Variants in TMEM145 observed in about 807,000 individuals in gnomAD.
TMEM145 encodes the protein transmembrane protein 145.
Under a neutral mutation model 68.5 loss-of-function variants are expected in TMEM145, and 46 were observed. The ratio of observed to expected loss-of-function variants is 0.67; its 90% CI spans 0.53 to 0.86. TMEM145 has a LOEUF of 0.86. Among genes scored for constraint, TMEM145 ranks in the 40% least tolerant of loss-of-function variants. TMEM145 has a pLI of 0.00. For missense variants in TMEM145, 570 were observed against 645.8 expected (o/e 0.88, Z 1.27); for synonymous variants, 255 against 280.2 (o/e 0.91, Z 0.90).
chr19:42,317,141 C>T (rs899161870), intron 11 of TMEM145, among the ~76,000 whole-genome samples, 178 bp downstream of exon 11: 2 of 152,200 alleles, frequency 1.3e-5, no homozygotes, highest in African/African-American at 4.8e-5. Flanking sequence ...TTCACCATCC[C>T]GCAGCAGCTT....
At chr19:42,315,570 C>A in intron 8 of TMEM145, 130 bp downstream of exon 8, 1 of 965,836 alleles carries the variant, frequency 1.0e-6, no homozygotes, top group Non-Finnish European at 1.6e-6. Flanking sequence ...GGGGCCTGGA[C>A]TCCTGGGTCC....
chr19:42,313,430 CCTGCTGCTGTCA>C lies in TMEM145; in HGVS notation c.59_70del (p.Leu20_Leu23del), dbSNP rs904145703. The C allele has an allele frequency of 2.2e-6, 3 of 1,379,526 alleles. No individual in the cohort carries two copies. The highest frequency in any genetic ancestry group is 2.8e-6 in the Non-Finnish European group (3 of 1,063,320). 85.5% of individuals were successfully genotyped at this position (1,379,526 alleles called of 1,614,324 possible). A position where few individuals can be genotyped will look rare whatever the true frequency, so the allele number is the denominator to read the frequency against. ...GCCGCCTGCTGCCGCCGCTGCTGCT[CCTGCTGCTGTCA>C]CTGCCCCCCCGCGCCCGGGCCAAGT... On this transcript the variant is annotated inframe_deletion, in exon 1 of 15. Transcript: ENST00000301204. This position sits in a 1 kb window ranked among gnomAD's most constrained non-coding sequence, Gnocchi z 5.1.
At chr19:42,322,894 T>C (rs1010620104) in intron 13 of TMEM145, among the ~76,000 whole-genome samples, 4 of 151,960 alleles carry the variant, frequency 2.6e-5, no homozygotes, top group Non-Finnish European at 4.4e-5. Flanking sequence ...AGAGATGGAG[T>C]TTCACCATGT....
rs759933168 is a variant in TMEM145, at chr19:42,314,389, C to G, written c.195+43C>G. ...CTCGCCATGCTGAGGCTGGGTACTT[C>G]CCTTGGCCTCCAAAGGCACAGGCTG... is the stretch of plus-strand genomic sequence containing the variant. On this transcript the variant is annotated intron_variant, in intron 2 of 14. Transcript: ENST00000301204. The G allele has an allele frequency of 3.7e-6, 6 of 1,613,862 alleles. No homozygotes were observed. In the African/African-American group the frequency reaches 8.0e-5, roughly 22 times the overall value.
rs760409461 is a variant in TMEM145, at chr19:42,316,467, C to T, written c.647-14C>T. ...TGCTTTCTATCCTTTCTTATCTGCC[C>T]ATCCTCCCCTCAGTCCTGAGCCTCC... On this transcript the variant is annotated splice_polypyrimidine_tract_variant and intron_variant, in intron 8 of 14. Transcript: ENST00000301204. The T allele has an allele frequency of 5.6e-6, 9 of 1,613,462 alleles. No homozygotes were observed. In the Admixed American group the frequency reaches 1.3e-4, roughly 24 times the overall value.
chr19:42,314,839 C>A lies in TMEM145; in HGVS notation c.408C>A (p.Arg136=). ...GCTACCTGAGCTGCTCCAGTGGCCGCAGCTTCCGCTCAGTGCGTGAACGGT... is the reference window on the plus strand; with the variant it reads ...GCTACCTGAGCTGCTCCAGTGGCCGAAGCTTCCGCTCAGTGCGTGAACGGT... ...GTRYLSCSSG[R]SFRSGDGLQL... is the part of the protein sequence containing the mutation. Residue 136 remains arginine (R), a synonymous_variant, in exon 5 of 15, where the codon CGC becomes CGA. Transcript: ENST00000301204. The A allele has an allele frequency of 6.2e-7, 1 of 1,614,206 alleles. No homozygotes were observed. The highest frequency in any genetic ancestry group is 1.1e-5 in the South Asian group (1 of 91,086).
In TMEM145 at chr19:42,315,306, G is replaced by A. The variant is rs767229376; in HGVS notation, c.577+47G>A. The A allele has an allele frequency of 5.0e-6, 8 of 1,613,878 alleles. No homozygotes were observed. In the African/African-American group the frequency reaches 8.0e-5, roughly 16 times the overall value. On this transcript the variant is annotated intron_variant, in intron 7 of 14. Transcript: ENST00000301204. ...TGGGGGAAGAGATAGGAGGGAGCAG[G>A]GTTGGGGGAGGTGAGCTGCTCTCCC...
At chr19:42,316,381 G>T (rs909890212) in intron 8 of TMEM145, 100 bp from the exon 9 acceptor site, 1 of 1,137,816 alleles carries the variant, frequency 8.8e-7, no homozygotes, top group African/African-American at 1.5e-5. Context: ...GAGTCCTAAG[G>T]GAGGAGGCGG....
At chr19:42,318,414 G>C (rs950561113) in intron 12 of TMEM145, among the ~76,000 whole-genome samples, 1 of 151,016 alleles carries the variant, frequency 6.6e-6, no homozygotes, top group Non-Finnish European at 1.5e-5. Flanking sequence ...GGCCGGGCGT[G>C]GTGGCTCACA....
intron 13 of TMEM145, chr19:42,321,203 C>T: frequency 2.5e-6 from 1 of 398,050 alleles, no homozygotes; most frequent in African/African-American, 2.1e-5. Flanking sequence ...CCTGGGTCGG[C>T]AACAGGAGGG....
intron 12 of TMEM145, among the ~76,000 whole-genome samples, chr19:42,318,183 T>C (rs1200746324): frequency 6.7e-6 from 1 of 150,108 alleles, no homozygotes; most frequent in African/African-American, 2.5e-5. Flanking sequence ...CTGGCTAACA[T>C]GGTGAAACCC....
intron 10 of TMEM145, 24 bp downstream of exon 10, chr19:42,316,764 G>A (rs767228270): frequency 6.2e-7 from 1 of 1,612,968 alleles, no homozygotes; most frequent in Non-Finnish European, 8.5e-7. Context: ...GCGTGCTCGT[G>A]GGGCGGCTGG....
In TMEM145 at chr19:42,320,206, A is replaced by G. The variant is rs1326534687; in HGVS notation, c.1074-111A>G. On this transcript the variant is annotated intron_variant, in intron 12 of 14. Transcript: ENST00000301204. ...CTGAAGGTCACACTGGCTTCCCTCC[A>G]GTTTGGGACCTGCCTGGGGTCTGCG... 1.4e-5 allele frequency: 21 copies of G among 1,454,414 alleles called. No homozygotes were observed. In the East Asian group the frequency reaches 2.1e-4, roughly 14 times the overall value. The allele number at this position is 1,454,414 out of a possible 1,614,324, so 90.1% of individuals were successfully genotyped here.
rs1283362695 is a variant in TMEM145 at position 42,314,359 on chromosome 19, C to T, written c.195+13C>T. On this transcript the variant is annotated intron_variant, in intron 2 of 14. Coordinates refer to ENST00000301204, the MANE Select transcript of TMEM145 (RefSeq NM_173633.3). ...CCGCTACCCTGAGGTGAGTCTCCCCCAACACTCGCCATGCTGAGGCTGGGT... is the reference window on the plus strand; with the variant it reads ...CCGCTACCCTGAGGTGAGTCTCCCCTAACACTCGCCATGCTGAGGCTGGGT... The T allele has an allele frequency of 6.2e-7, 1 of 1,614,078 alleles. No individual in the cohort carries two copies. The highest frequency in any genetic ancestry group is 8.5e-7 in the Non-Finnish European group (1 of 1,180,006).
At chr19:42,314,404 G>A in intron 2 of TMEM145, 47 bp from the exon 3 acceptor site, 1 of 1,614,010 alleles carries the variant, frequency 6.2e-7, no homozygotes, top group Non-Finnish European at 8.5e-7. Context: ...GGCCTCCAAA[G>A]GCACAGGCTG....
rs997678998 is a variant in TMEM145, at chr19:42,324,722, C to T, written c.1402-15C>T. 3 of 1,491,730 alleles carry T rather than the reference C, an allele frequency of 2.0e-6. No individual in the cohort carries two copies. Among genetic ancestry groups the T allele is most frequent in the African/African-American group, 2.9e-5 (2 of 69,062 alleles). The allele number at this position is 1,491,730 out of a possible 1,614,324, so 92.4% of individuals were successfully genotyped here. ...ACGGTCCCGCGGGAGCCGCTCTCCCCGTCCCCTCCCTCAGCCCCTGCCCCG... is the reference window on the plus strand; with the variant it reads ...ACGGTCCCGCGGGAGCCGCTCTCCCTGTCCCCTCCCTCAGCCCCTGCCCCG... On this transcript the variant is annotated splice_polypyrimidine_tract_variant and intron_variant, in intron 14 of 14. Coordinates refer to ENST00000301204, the MANE Select transcript of TMEM145 (RefSeq NM_173633.3).
chr19:42,324,746 C>T lies in TMEM145; in HGVS notation c.1411C>T (p.Arg471Ter). ...CCGTCCCCTCCCTCAGCCCCTGCCC[C>T]GAGCGGCGCCGGATTCTGGGCTCCC... ...IPPPATSPLPRAAPDSGLPLF... is the reference protein window; with the variant it reads ...IPPPATSPLP The change falls in exon 15 of 15, where the codon CGA becomes TGA. Residue 471 changes from arginine (R) to a stop codon, truncating the protein, a stop_gained. Coordinates refer to ENST00000301204, the MANE Select transcript of TMEM145 (RefSeq NM_173633.3). LOFTEE classifies it high-confidence loss of function. The T allele has an allele frequency of 6.4e-7, 1 of 1,551,978 alleles. No homozygotes were observed. Among genetic ancestry groups the T allele is most frequent in the Non-Finnish European group, 8.6e-7 (1 of 1,158,264 alleles).
chr19:42,323,256 G>C (rs1444684972), intron 13 of TMEM145, among the ~76,000 whole-genome samples: 2 of 152,190 alleles, frequency 1.3e-5, no homozygotes, highest in Non-Finnish European at 2.9e-5. Flanking sequence ...TGAGGAGTGT[G>C]ACCAAAATTT....
In TMEM145 at chr19:42,324,734, C is replaced by T; in HGVS notation, c.1402-3C>T. Reference sequence around the variant, plus strand: ...GAGCCGCTCTCCCCGTCCCCTCCCTCAGCCCCTGCCCCGAGCGGCGCCGGA... The same window carrying T: ...GAGCCGCTCTCCCCGTCCCCTCCCTTAGCCCCTGCCCCGAGCGGCGCCGGA... On this transcript the variant is annotated splice_polypyrimidine_tract_variant and splice_region_variant and intron_variant, in intron 14 of 14. Coordinates refer to ENST00000301204, the MANE Select transcript of TMEM145 (RefSeq NM_173633.3). The T allele has an allele frequency of 6.5e-7, 1 of 1,530,066 alleles. No homozygotes were observed. Among genetic ancestry groups the T allele is most frequent in the South Asian group, 1.2e-5 (1 of 82,270 alleles). 94.8% of individuals were successfully genotyped at this position (1,530,066 alleles called of 1,614,324 possible). A position where few individuals can be genotyped will look rare whatever the true frequency, so the allele number is the denominator to read the frequency against.
Sources: allele counts gnomAD v4.1 joint callset (sites outside exome capture counted in the v4.1 genomes callset), GRCh38; gene constraint gnomAD v4.1.1; non-coding constraint Gnocchi (gnomAD v3.1); transcripts MANE v1.5; gene names NCBI Gene and HGNC (gene_info 2026-07-23, HGNC 2026-07-21).